JMJD1C: variants seen among roughly 807,000 people sequenced by gnomAD.
JMJD1C encodes the protein jumonji domain-containing protein 1C.
JMJD1C carries 31 observed loss-of-function variants against 245.3 expected under a neutral mutation model. The ratio of observed to expected loss-of-function variants is 0.13; its 90% CI spans 0.09 to 0.17. JMJD1C has a LOEUF of 0.17. Among genes scored for constraint, JMJD1C ranks in the 10% least tolerant of loss-of-function variants. The pLI, the probability that JMJD1C is intolerant of heterozygous loss-of-function variation, is 1.00. For missense variants in JMJD1C, 2,691 were observed against 3,000.2 expected, an observed-to-expected ratio of 0.90 and a Z score of 2.41; for synonymous variants, 1,057 against 1,017.4, an observed-to-expected ratio of 1.04 and a Z score of -0.74.
intron 21 of JMJD1C, among the ~76,000 whole-genome samples, chr10:63,183,790 T>A (rs188575670): frequency 6.6e-6 from 1 of 152,112 alleles, no homozygotes. Flanking sequence ...AAAAATCAAA[T>A]AAATAAAAAA....
intron 3 of JMJD1C, among the ~76,000 whole-genome samples, chr10:63,225,121 A>G (rs1223723129): frequency 1.3e-5 from 2 of 152,132 alleles, no homozygotes; most frequent in Non-Finnish European, 2.9e-5. Context: ...CTTTAAAGAC[A>G]GTAACTATAA....
intron 1 of JMJD1C, among the ~76,000 whole-genome samples, chr10:63,479,887 A>G (rs1453685157): frequency 6.6e-6 from 1 of 152,160 alleles, no homozygotes; most frequent in African/African-American, 2.4e-5. Context: ...TCTACTTTGA[A>G]AGATTCAGAC....
At chr10:63,284,179 C>T (rs986305308) in intron 2 of JMJD1C, among the ~76,000 whole-genome samples, 5 of 152,062 alleles carry the variant, frequency 3.3e-5, no homozygotes, top group Non-Finnish European at 7.4e-5. Context: ...CGCGCACCAA[C>T]ACGCCTGGCT....
At chr10:63,473,535 CT>C in intron 1 of JMJD1C, among the ~76,000 whole-genome samples, 1 of 152,178 alleles carries the variant, frequency 6.6e-6, no homozygotes, top group Admixed American at 6.5e-5. Flanking sequence ...GCATGAGCCA[CT>C]GTGCCTGGCC....
chr10:63,404,581 A>C (rs1949063314), intron 1 of JMJD1C, among the ~76,000 whole-genome samples: 1 of 152,178 alleles, frequency 6.6e-6, no homozygotes. Context: ...TAACATGAAG[A>C]AGTAAAAATT....
intron 3 of JMJD1C, among the ~76,000 whole-genome samples, chr10:63,248,870 T>C (rs1852653254): frequency 6.6e-6 from 1 of 152,246 alleles, no homozygotes; most frequent in Non-Finnish European, 1.5e-5. Flanking sequence ...GTGGTATACG[T>C]ACATAATGAA....
chr10:63,341,141 T>A (rs546369469), intron 2 of JMJD1C, among the ~76,000 whole-genome samples: 105 of 152,302 alleles, frequency 6.9e-4, no homozygotes, highest in Middle Eastern at 3.4e-3. Context: ...TCCATCCGGA[T>A]GAGCTGAAAA....
At position 63,349,647 on chromosome 10, in the gene JMJD1C, G is replaced by A. The variant is rs570669072; in HGVS notation, c.333+30671C>T. Among the ~76,000 whole-genome samples, 11 of 152,178 alleles carry A rather than the reference G, an allele frequency of 7.2e-5. 1 individual carries two copies. Among genetic ancestry groups the A allele is most frequent in the South Asian group, 6.2e-4 (3 of 4,816 alleles). ...GCAACCAATGGAATCCTTGAAATGC[G>A]GGAACTATATGAGTTACCCTGGATT... On this transcript the variant is annotated intron_variant, in intron 2 of 25. Transcript: ENST00000399262.
rs540834368 is a variant in JMJD1C, at chr10:63,189,748, T to C, written c.6292-302A>G. Reference sequence around the variant, plus strand: ...CATTTTTTAAAATTTTTAAATATTTTATAAGAAATAGAGATGAGGGTCTTG... The same window carrying C: ...CATTTTTTAAAATTTTTAAATATTTCATAAGAAATAGAGATGAGGGTCTTG... On this transcript the variant is annotated intron_variant, in intron 17 of 25. Coordinates refer to ENST00000399262, the MANE Select transcript of JMJD1C (RefSeq NM_032776.3). Among the ~76,000 whole-genome samples, 60 of 152,274 alleles carry C rather than the reference T, an allele frequency of 3.9e-4. No homozygotes were observed. In the Middle Eastern group the frequency reaches 0.01, roughly 26 times the overall value.
intron 3 of JMJD1C, among the ~76,000 whole-genome samples, chr10:63,263,961 C>CAT (rs1855158151): frequency 2.2e-4 from 5 of 23,166 alleles, no homozygotes; most frequent in South Asian, 1.4e-3. Context: ...AATACACATA[C>CAT]ACACACACAC....
intron 2 of JMJD1C, among the ~76,000 whole-genome samples, chr10:63,331,447 C>T (rs924737512): frequency 6.6e-6 from 1 of 152,114 alleles, no homozygotes; most frequent in African/African-American, 2.4e-5. Context: ...CATTTGCTTG[C>T]CCTATTTTTT....
chr10:63,404,385 T>A (rs1949050242), intron 1 of JMJD1C, among the ~76,000 whole-genome samples: 1 of 152,166 alleles, frequency 6.6e-6, no homozygotes, highest in African/African-American at 2.4e-5. Flanking sequence ...GCTTTTTATA[T>A]TCCAGTAGTG....
intron 2 of JMJD1C, among the ~76,000 whole-genome samples, chr10:63,357,826 G>GACAGAC (rs1051732036): frequency 2.5e-4 from 35 of 140,534 alleles, no homozygotes; most frequent in Admixed American, 1.5e-3. Flanking sequence ...CAGACAGACA[G>GACAGAC]ACACACACAC....
chr10:63,317,232 A>C (rs1429129801), intron 2 of JMJD1C, among the ~76,000 whole-genome samples: 2 of 150,326 alleles, frequency 1.3e-5, no homozygotes, highest in Non-Finnish European at 3.0e-5. Context: ...AACGCTGGAT[A>C]TGGTGGCTCA....
rs558722223 is a variant in JMJD1C at position 63,381,548 on chromosome 10, A to T, written c.169-1066T>A. ...CTCTGTCTATTCAAAAAACAAACAA[A>T]AAGTGGATCTCATGGAGGTAGAGGG... On this transcript the variant is annotated intron_variant, in intron 1 of 25. Coordinates refer to ENST00000399262, the MANE Select transcript of JMJD1C (RefSeq NM_032776.3). 2.0e-5 allele frequency among the ~76,000 whole-genome samples: 3 copies of T among 152,252 alleles called. No individual in the cohort carries two copies. In the South Asian group the frequency reaches 6.2e-4, roughly 32 times the overall value.
At position 63,208,191 on chromosome 10, in the gene JMJD1C, C is replaced by G; in HGVS notation, c.3478G>C (p.Val1160Leu). Residue 1160 changes from valine (V) to leucine (L), a missense_variant, in exon 10 of 26, where the codon GTA (valine) becomes CTA (leucine). Coordinates refer to ENST00000399262, the MANE Select transcript of JMJD1C (RefSeq NM_032776.3). Reference protein sequence around the residue: ...IKHQPESEGLVGKIPEHLPHQ... With the variant: ...IKHQPESEGLLGKIPEHLPHQ... Reference sequence around the variant, plus strand: ...GGAAGATGTTCTGGTATCTTGCCTACTAAACCTTCACTTTCTGGTTGGTGT... The same window carrying G: ...GGAAGATGTTCTGGTATCTTGCCTAGTAAACCTTCACTTTCTGGTTGGTGT... 1.3e-6 allele frequency: 2 copies of G among 1,504,790 alleles called. No homozygotes were observed. Among genetic ancestry groups the G allele is most frequent in the Non-Finnish European group, 1.8e-6 (2 of 1,114,694 alleles). The allele number at this position is 1,504,790 out of a possible 1,614,324, so 93.2% of individuals were successfully genotyped here.
At chr10:63,223,131 G>GAAAA in intron 3 of JMJD1C, 8 of 362,238 alleles carry the variant, frequency 2.2e-5, no homozygotes, top group South Asian at 5.4e-5. Context: ...GAAATTATCT[G>GAAAA]CAAAAAAAAA....
At chr10:63,382,697 T>C (rs935747938) in intron 1 of JMJD1C, 4 of 444,560 alleles carry the variant, frequency 9.0e-6, no homozygotes, top group African/African-American at 6.0e-5. Flanking sequence ...CATTCAATCA[T>C]TCAACCCTTC....
chr10:63,303,026 G>A (rs1048491819), intron 2 of JMJD1C, among the ~76,000 whole-genome samples: 3 of 152,134 alleles, frequency 2.0e-5, no homozygotes, highest in African/African-American at 7.2e-5. Context: ...TGGGACTACA[G>A]GCACACACCA....
Sources: allele counts gnomAD v4.1 joint callset (sites outside exome capture counted in the v4.1 genomes callset), GRCh38; gene constraint gnomAD v4.1.1; transcripts MANE v1.5; gene names NCBI Gene and HGNC (gene_info 2026-07-23, HGNC 2026-07-21).